ELMOD3: variants seen among roughly 807,000 people sequenced by gnomAD.
ELMOD3 encodes the protein ELMO domain-containing protein 3.
A neutral mutation model predicts 47.4 loss-of-function variants in ELMOD3; 36 were observed. The ratio of observed to expected loss-of-function variants is 0.76; its 90% CI spans 0.58 to 1.00. ELMOD3 has a LOEUF of 1.00. ELMOD3 is among the 50% of genes least tolerant of loss of function. The pLI, the probability that ELMOD3 is intolerant of heterozygous loss-of-function variation, is 0.00. For synonymous variants in ELMOD3, 149 were observed against 183.5 expected, an observed-to-expected ratio of 0.81 and a Z score of 1.52; for missense variants, 404 against 463.8, an observed-to-expected ratio of 0.87 and a Z score of 1.18.
rs900452143 is a variant in ELMOD3 at position 85,376,268 on chromosome 2, T to G, written c.608-1076T>G. ...GTAACAACTGATTTTTTATTGTATC[T>G]TAGACATTTTGGGTAGTCTGTATGA... On this transcript the variant is annotated intron_variant, in intron 10 of 13. Transcript: ENST00000409013. The surrounding 1 kb of genome is among the most constrained non-coding windows in gnomAD (Gnocchi z 4.2). 6.6e-6 allele frequency among the ~76,000 whole-genome samples: 1 copy of G among 152,222 alleles called. No homozygotes were observed. The highest frequency in any genetic ancestry group is 2.4e-5 in the African/African-American group (1 of 41,452).
intron 11 of ELMOD3, among the ~76,000 whole-genome samples, chr2:85,378,417 C>T (rs1685318860): frequency 6.6e-6 from 1 of 152,158 alleles, no homozygotes; most frequent in African/African-American, 2.4e-5. Context: ...CAGAGCACAG[C>T]TTGGTTTTAT....
At chr2:85,382,939 G>GAA (rs58812415) in intron 11 of ELMOD3, among the ~76,000 whole-genome samples, 3 of 118,588 alleles carry the variant, frequency 2.5e-5, no homozygotes, top group Admixed American at 9.3e-5. Context: ...CCAGAAGCAG[G>GAA]AAAAAAAAAA....
At chr2:85,364,864 G>T (rs1414256552) in intron 6 of ELMOD3, among the ~76,000 whole-genome samples, 2 of 122,328 alleles carry the variant, frequency 1.6e-5, no homozygotes, top group Non-Finnish European at 3.2e-5. Context: ...CAGAGACAGG[G>T]TCTCACTCTG....
In ELMOD3 at chr2:85,371,189, T is replaced by C; in HGVS notation, c.464T>C (p.Leu155Ser). 1.2e-6 allele frequency: 2 copies of C among 1,614,254 alleles called. No homozygotes were observed. The highest frequency in any genetic ancestry group is 1.7e-6 in the Non-Finnish European group (2 of 1,180,046). The change falls in exon 9 of 14, where the codon TTG (leucine) becomes TCG (serine). Residue 155 changes from leucine (L) to serine (S), a missense_variant. Transcript: ENST00000409013. ...CAGCGCCTTCGGGAAGAAAGGGACTTGGTCCTGACCATTGCTCAGTGTGAG... is the reference window on the plus strand; with the variant it reads ...CAGCGCCTTCGGGAAGAAAGGGACTCGGTCCTGACCATTGCTCAGTGTGAG... ...LHQRLREERD[L>S]VLTIAQCGLD...
At chr2:85,356,290 T>C (rs772395741) in intron 3 of ELMOD3, 6 of 152,310 alleles carry the variant, frequency 3.9e-5, no homozygotes, top group Non-Finnish European at 7.3e-5. Context: ...TCTAGTATTA[T>C]AAGCCCCTGA....
intron 6 of ELMOD3, 44 bp from the exon 7 acceptor site, chr2:85,368,642 C>A (rs1273372021): frequency 6.2e-7 from 1 of 1,603,574 alleles, no homozygotes; most frequent in South Asian, 1.1e-5. Flanking sequence ...GAGGCCCAGA[C>A]ATACCTAGAT....
chr2:85,368,427 G>A (rs1042373183), intron 6 of ELMOD3: 13 of 468,660 alleles, frequency 2.8e-5, no homozygotes, highest in East Asian at 1.6e-4. Flanking sequence ...GGGACCACCC[G>A]GGAGTGGGGG....
In ELMOD3 at chr2:85,371,442, G is replaced by T. The variant is rs1179037511; in HGVS notation, c.487G>T (p.Gly163Cys). The change falls in exon 10 of 14, where the codon GGC becomes TGC. Residue 163 changes from glycine to cysteine, a missense_variant and splice_region_variant. Gly to Cys is a radical substitution (Grantham distance 159, BLOSUM62 -3). Transcript: ENST00000409013. ...RDLVLTIAQCGLDSQDPVHGR... is the reference protein window; with the variant it reads ...RDLVLTIAQCCLDSQDPVHGR... ...AGTGTGGGTGTGTTTTGGGGCAGGT[G>T]GCCTGGATAGCCAAGACCCAGTGCA... The T allele has an allele frequency of 1.2e-6, 2 of 1,614,192 alleles. No homozygotes were observed.
At chr2:85,364,825 A>ATATATTTTT (rs375582916) in intron 6 of ELMOD3, among the ~76,000 whole-genome samples, 34 of 69,892 alleles carry the variant, frequency 4.9e-4, no homozygotes, top group African/African-American at 1.9e-3. Context: ...ATATATATAT[A>ATATATTTTT]TTTTTTTTTT....
intron 13 of ELMOD3, 153 bp downstream of exon 13, chr2:85,390,418 CT>C (rs1272869559): frequency 1.2e-6 from 2 of 1,614,100 alleles, no homozygotes; most frequent in African/African-American, 2.7e-5. Flanking sequence ...CACCCACCCC[CT>C]GGAGTCTGCT....
intron 5 of ELMOD3, 78 bp downstream of exon 5, chr2:85,362,338 G>C: frequency 1.1e-6 from 1 of 906,586 alleles, no homozygotes; most frequent in Non-Finnish European, 1.9e-6. Context: ...AACTGTGGTA[G>C]ACGCTGGGGA....
chr2:85,366,603 A>C (rs1366409438), intron 6 of ELMOD3, among the ~76,000 whole-genome samples: 1 of 152,244 alleles, frequency 6.6e-6, no homozygotes, highest in East Asian at 1.9e-4. Flanking sequence ...CAGCCCCATG[A>C]GGGGTTACAG....
In ELMOD3 at chr2:85,354,795, G is replaced by A; in HGVS notation, c.-406G>A. On this transcript the variant is annotated 5_prime_UTR_variant, in exon 1 of 14. Transcript: ENST00000409013. ...TGAGCAGATGAGGCCTAGCCGAGGC[G>A]GCGGGACCCCCAAGTTTGGAAAGCT... 1 of 319,830 alleles carries A rather than the reference G, an allele frequency of 3.1e-6. No homozygotes were observed. Among genetic ancestry groups the A allele is most frequent in the Non-Finnish European group, 5.8e-6 (1 of 172,512 alleles). 19.8% of individuals were successfully genotyped at this position (319,830 alleles called of 1,614,324 possible).
intron 11 of ELMOD3, among the ~76,000 whole-genome samples, chr2:85,381,060 C>T (rs991348922): frequency 1.3e-5 from 2 of 152,162 alleles, no homozygotes; most frequent in African/African-American, 4.8e-5. Context: ...ATACCAATAA[C>T]ACATTTATAC....
At chr2:85,375,170 G>A (rs1045897772) in intron 10 of ELMOD3, among the ~76,000 whole-genome samples, 2 of 152,166 alleles carry the variant, frequency 1.3e-5, no homozygotes, top group Non-Finnish European at 1.5e-5. Context: ...GGCCTCTCCT[G>A]TTTGAGGTTA....
At chr2:85,385,869 A>T (rs76407954) in intron 11 of ELMOD3, among the ~76,000 whole-genome samples, 7,767 of 152,184 alleles carry the variant, frequency 0.051, 236 homozygotes, top group Non-Finnish European at 0.067. Context: ...CTGGTTTGTC[A>T]ATCTCCCCTT....
intron 10 of ELMOD3, 149 bp from the exon 11 acceptor site, chr2:85,377,195 A>G (rs1685216716): frequency 3.0e-6 from 2 of 666,040 alleles, no homozygotes; most frequent in Non-Finnish European, 4.5e-6. Flanking sequence ...GCTCATTAGA[A>G]TGAGCCCCAC....
chr2:85,387,002 C>CA (rs1358657464), intron 11 of ELMOD3: 96 of 1,233,332 alleles, frequency 7.8e-5, no homozygotes, highest in Non-Finnish European at 9.8e-5. Context: ...AACTCCGTCT[C>CA]AAAAAAAGAA....
intron 6 of ELMOD3, chr2:85,368,408 A>G: frequency 2.4e-6 from 1 of 422,484 alleles, no homozygotes; most frequent in Admixed American, 3.6e-5. Flanking sequence ...TAAGTTCAGC[A>G]TCAATATGGG....
Sources: allele counts gnomAD v4.1 joint callset (sites outside exome capture counted in the v4.1 genomes callset), GRCh38; gene constraint gnomAD v4.1.1; non-coding constraint Gnocchi (gnomAD v3.1); transcripts MANE v1.5; gene names NCBI Gene and HGNC (gene_info 2026-07-23, HGNC 2026-07-21).